PTPRU: variants seen among roughly 807,000 people sequenced by gnomAD.
The protein encoded by PTPRU is receptor-type tyrosine-protein phosphatase U.
In PTPRU, 69 loss-of-function variants were observed where a neutral mutation model predicts 166.3. The observed-to-expected ratio is 0.41, with a 90% confidence interval of 0.34 to 0.51. PTPRU has a LOEUF of 0.51. Ranked by LOEUF, PTPRU falls within the 20% of genes least tolerant of loss-of-function variation. PTPRU has a pLI of 0.09. For synonymous variants in PTPRU, 793 were observed against 814.0 expected (o/e 0.97, Z 0.44); for missense variants, 1,657 against 2,013.7 (o/e 0.82, Z 3.39).
chr1:29,312,699 C>T lies in PTPRU; in HGVS notation c.3220C>T (p.His1074Tyr). The stretch of plus-strand genomic sequence containing the variant: ...ACCTGATGCCGGGCCCATTGTCATC[C>T]ACTGCAGGTGGGGGCACCGGGAATC... ...TPPDAGPIVI[H>Y]CSAGTGRTGC... Residue 1074 changes from histidine to tyrosine, a missense_variant, in exon 22 of 30, where the codon CAC (histidine) becomes TAC (tyrosine). This residue lies in a region of PTPRU where 1,190 missense variants were observed against 1,477.4 expected (regional missense o/e 0.81). Coordinates refer to ENST00000373779, the MANE Select transcript of PTPRU (RefSeq NM_133178.4). 1 of 1,605,242 alleles carries T rather than the reference C, an allele frequency of 6.2e-7. No individual in the cohort carries two copies. Among genetic ancestry groups the T allele is most frequent in the South Asian group, 1.1e-5 (1 of 90,610 alleles).
At chr1:29,312,390 T>G (rs1687704604) in intron 21 of PTPRU, among the ~76,000 whole-genome samples, 162 bp from the exon 22 acceptor site, 1 of 152,220 alleles carries the variant, frequency 6.6e-6, no homozygotes, top group South Asian at 2.1e-4. Flanking sequence ...TTTTCTTGTT[T>G]GTACAATGGG....
chr1:29,295,008 A>G (rs1326379293), intron 15 of PTPRU, among the ~76,000 whole-genome samples: 2 of 146,888 alleles, frequency 1.4e-5, no homozygotes, highest in East Asian at 4.2e-4. Flanking sequence ...TGCTTCATCA[A>G]GGATGTCTTG....
intron 7 of PTPRU, among the ~76,000 whole-genome samples, chr1:29,265,563 A>T (rs1367099075): frequency 2.0e-5 from 3 of 151,912 alleles, no homozygotes; most frequent in Non-Finnish European, 4.4e-5. Context: ...GGGTTTCAGC[A>T]TGTTGGCCAG....
rs997544665 is a variant in PTPRU at position 29,236,537 on chromosome 1, C to T, written c.-108C>T. On this transcript the variant is annotated 5_prime_UTR_variant, in exon 1 of 30. Transcript: ENST00000373779. The surrounding 1 kb of genome is among the most constrained non-coding windows in gnomAD (Gnocchi z 4.6). The stretch of plus-strand genomic sequence containing the variant: ...ACTCGGCGCCAGTCCCGCTCCGCGC[C>T]GCGCCGCTCCGCTCCGGCTCGGGCT... 13 of 864,348 alleles carry T rather than the reference C, an allele frequency of 1.5e-5. No individual in the cohort carries two copies. Among genetic ancestry groups the T allele is most frequent in the Non-Finnish European group, 1.7e-5 (12 of 687,562 alleles). The allele number at this position is 864,348 out of a possible 1,614,324, so 53.5% of individuals were successfully genotyped here. A position where few individuals can be genotyped will look rare whatever the true frequency, so the allele number is the denominator to read the frequency against.
chr1:29,275,507 C>T lies in PTPRU; in HGVS notation c.1204C>T (p.Leu402=), dbSNP rs764152404. 5 of 1,614,064 alleles carry T rather than the reference C, an allele frequency of 3.1e-6. No homozygotes were observed. Among genetic ancestry groups the T allele is most frequent in the East Asian group, 4.5e-5 (2 of 44,906 alleles). Residue 402 remains leucine, a synonymous_variant, in exon 8 of 30, where the codon CTG becomes TTG. Transcript: ENST00000373779. The part of the protein sequence containing the change: ...FAEIQARQLT[L]QWEPLGYNVT... ...TGAGATCCAGGCCCGTCAGCTGACC[C>T]TGCAGTGGGAACCACTGGGCTACAA...
intron 1 of PTPRU, among the ~76,000 whole-genome samples, chr1:29,245,511 C>T (rs1684255739): frequency 6.6e-6 from 1 of 152,186 alleles, no homozygotes; most frequent in African/African-American, 2.4e-5. Context: ...TGGATGTGCA[C>T]TGTCTGGGAT....
chr1:29,251,686 C>G (rs970861399), intron 1 of PTPRU, among the ~76,000 whole-genome samples: 1 of 152,138 alleles, frequency 6.6e-6, no homozygotes, highest in Admixed American at 6.5e-5. Flanking sequence ...TCAGGATGAA[C>G]AAGAGGAAGC....
At chr1:29,290,768 C>G (rs1409570863) in intron 14 of PTPRU, among the ~76,000 whole-genome samples, 2 of 152,270 alleles carry the variant, frequency 1.3e-5, no homozygotes, top group African/African-American at 4.8e-5. Context: ...CAGAACTTCT[C>G]AAAGAATCTG....
chr1:29,282,940 C>T lies in PTPRU; in HGVS notation c.2133C>T (p.His711=), dbSNP rs560820818. 2.5e-6 allele frequency: 4 copies of T among 1,613,436 alleles called. No homozygotes were observed. Among genetic ancestry groups the T allele is most frequent in the East Asian group, 2.2e-5 (1 of 44,846 alleles). Residue 711 remains histidine (H), a synonymous_variant, in exon 12 of 30, where the codon CAC becomes CAT. Transcript: ENST00000373779. ...AYLIYFQAAS[H]LKGETRLNCI... ...TCATCTACTTCCAGGCAGCAAGCCACCTGAAGGGGGTGAGGGACCGGCCAG... is the reference window on the plus strand; with the variant it reads ...TCATCTACTTCCAGGCAGCAAGCCATCTGAAGGGGGTGAGGGACCGGCCAG...
chr1:29,279,673 C>T lies in PTPRU; in HGVS notation c.1765+16C>T. The T allele has an allele frequency of 6.2e-7, 1 of 1,607,446 alleles. No individual in the cohort carries two copies. The highest frequency in any genetic ancestry group is 8.5e-7 in the Non-Finnish European group (1 of 1,178,740). On this transcript the variant is annotated intron_variant, in intron 10 of 29. Transcript: ENST00000373779. This position sits in a 1 kb window ranked among gnomAD's most constrained non-coding sequence, Gnocchi z 5.2. ...AACATCTCTGGTGAGCCCCACCTGA[C>T]CCGGCCCAGCCTCTTCGGAGGTGGC...
chr1:29,261,812 C>T (rs1010333372), intron 7 of PTPRU, among the ~76,000 whole-genome samples: 2 of 152,038 alleles, frequency 1.3e-5, no homozygotes, highest in East Asian at 1.9e-4. Context: ...AGATTATAGG[C>T]GTGAGCCACC....
At chr1:29,306,036 C>T (rs1489858741) in intron 18 of PTPRU, among the ~76,000 whole-genome samples, 2 of 152,210 alleles carry the variant, frequency 1.3e-5, no homozygotes, top group Non-Finnish European at 2.9e-5. Context: ...GGCTCAGAGA[C>T]GTGGAGCGAC....
At position 29,237,086 on chromosome 1, in the gene PTPRU, G is replaced by A. The variant is rs1683802785; in HGVS notation, c.73+369G>A. ...TGTTGCGGGAGTTGTATCTGCTAAT[G>A]TGTTGCATTTGTTTGCATTTTGTAT... On this transcript the variant is annotated intron_variant, in intron 1 of 29. Coordinates refer to ENST00000373779, the MANE Select transcript of PTPRU (RefSeq NM_133178.4). This position sits in a 1 kb window ranked among gnomAD's most constrained non-coding sequence, Gnocchi z 6.4. Among the ~76,000 whole-genome samples, 1 of 152,154 alleles carries A rather than the reference G, an allele frequency of 6.6e-6. No homozygotes were observed. Among genetic ancestry groups the A allele is most frequent in the Non-Finnish European group, 1.5e-5 (1 of 68,030 alleles).
At chr1:29,305,304 C>A in intron 17 of PTPRU, 48 bp from the exon 18 acceptor site, 1 of 1,577,374 alleles carries the variant, frequency 6.3e-7, no homozygotes, top group Non-Finnish European at 8.7e-7. Context: ...GACTGCCTAG[C>A]TCTGGGCTCC....
chr1:29,268,962 A>G (rs963981114), intron 7 of PTPRU, among the ~76,000 whole-genome samples: 10 of 152,182 alleles, frequency 6.6e-5, no homozygotes, highest in African/African-American at 1.9e-4. Flanking sequence ...GTACAAATCT[A>G]CACAGTGAGT....
rs375440765 is a variant in PTPRU at position 29,311,479 on chromosome 1, G to A, written c.2881G>A (p.Asp961Asn). The change falls in exon 20 of 30, where the codon GAC becomes AAC. Residue 961 changes from aspartate (D) to asparagine (N), a missense_variant. Coordinates refer to ENST00000373779, the MANE Select transcript of PTPRU (RefSeq NM_133178.4). The surrounding 1 kb of genome is among the most constrained non-coding windows in gnomAD (Gnocchi z 4.1). ...AGGGCCGAAGCCTGAGATGGTCTATGACTTCTGGCGTATGGTGTGGCAGGA... is the reference window on the plus strand; with the variant it reads ...AGGGCCGAAGCCTGAGATGGTCTATAACTTCTGGCGTATGGTGTGGCAGGA... ...TQGPKPEMVY[D>N]FWRMVWQEHC... is the part of the protein sequence containing the mutation. The A allele has an allele frequency of 4.9e-5, 79 of 1,614,078 alleles. No individual in the cohort carries two copies. In the East Asian group the frequency reaches 1.5e-3, roughly 30 times the overall value.
chr1:29,281,798 G>C (rs1440364364), intron 11 of PTPRU, among the ~76,000 whole-genome samples: 1 of 152,176 alleles, frequency 6.6e-6, no homozygotes, highest in Admixed American at 6.5e-5. Flanking sequence ...CAAGGAAAAG[G>C]CATTTCTGCT....
In PTPRU at chr1:29,291,910, A is replaced by G. The variant is rs1170159718; in HGVS notation, c.2360A>G (p.Gln787Arg). The part of the protein sequence containing the change: ...NMTKATVNYR[Q>R]EKTHMMSAVD... Reference sequence around the variant, plus strand: ...ACCAAGGCCACCGTCAACTACCGCCAGGAGAAGACACACATGATGAGCGCC... The same window carrying G: ...ACCAAGGCCACCGTCAACTACCGCCGGGAGAAGACACACATGATGAGCGCC... Residue 787 changes from glutamine to arginine, a missense_variant, in exon 15 of 30, where the codon CAG becomes CGG. Coordinates refer to ENST00000373779, the MANE Select transcript of PTPRU (RefSeq NM_133178.4). The surrounding 1 kb of genome is among the most constrained non-coding windows in gnomAD (Gnocchi z 4.1). 6 of 1,614,122 alleles carry G rather than the reference A, an allele frequency of 3.7e-6. No homozygotes were observed. The South Asian group carries it at 5.5e-5, about 15-fold the overall frequency.
intron 25 of PTPRU, among the ~76,000 whole-genome samples, chr1:29,319,040 C>T (rs981222972): frequency 3.3e-5 from 5 of 152,030 alleles, no homozygotes; most frequent in East Asian, 1.9e-4. Flanking sequence ...AGGGGGCTTC[C>T]GGGTGTCAGC....
Sources: allele counts gnomAD v4.1 joint callset (sites outside exome capture counted in the v4.1 genomes callset), GRCh38; gene constraint gnomAD v4.1.1; regional missense constraint gnomAD v4.1.1; non-coding constraint Gnocchi (gnomAD v3.1); transcripts MANE v1.5; gene names NCBI Gene and HGNC (gene_info 2026-07-23, HGNC 2026-07-21).